The following IGSF9B variants were observed in gnomAD, a reference collection of about 807,000 sequenced individuals.
IGSF9B encodes the protein protein turtle homolog B.
A neutral mutation model predicts 143.7 loss-of-function variants in IGSF9B; 48 were observed. That is an observed-to-expected ratio of 0.33 (90% CI 0.26 to 0.42). The LOEUF (loss-of-function observed/expected upper bound fraction) is 0.42, where lower values mean the gene tolerates loss of function less well. Among genes scored for constraint, IGSF9B ranks in the 20% least tolerant of loss-of-function variants. The pLI, the probability that IGSF9B is intolerant of heterozygous loss-of-function variation, is 1.00. For synonymous variants in IGSF9B, 903 were observed against 833.1 expected, an observed-to-expected ratio of 1.08 and a Z score of -1.44; for missense variants, 1,706 against 1,980.0, an observed-to-expected ratio of 0.86 and a Z score of 2.63.
intron 1 of IGSF9B, among the ~76,000 whole-genome samples, chr11:133,955,631 G>C (rs1231629597): frequency 6.6e-6 from 1 of 152,208 alleles, no homozygotes; most frequent in Non-Finnish European, 1.5e-5. Flanking sequence ...GGTCGTGTCT[G>C]CGCGCTGACA....
intron 7 of IGSF9B, among the ~76,000 whole-genome samples, chr11:133,934,274 T>C (rs1939783680): frequency 6.6e-6 from 1 of 152,224 alleles, no homozygotes. Flanking sequence ...GGCCACCTCC[T>C]GTTGGCTCCT....
At chr11:133,923,777 G>C (rs1327602280) in intron 15 of IGSF9B, among the ~76,000 whole-genome samples, 1 of 152,226 alleles carries the variant, frequency 6.6e-6, no homozygotes, top group Non-Finnish European at 1.5e-5. Context: ...GTCTGACGAG[G>C]CACATTTCCT....
chr11:133,956,121 C>A (rs896193029), intron 1 of IGSF9B, among the ~76,000 whole-genome samples: 1 of 152,120 alleles, frequency 6.6e-6, no homozygotes, highest in Non-Finnish European at 1.5e-5. Context: ...TAGGGGGATC[C>A]GACCTCCAGC....
In IGSF9B at chr11:133,935,645, G is replaced by T; in HGVS notation, c.939C>A (p.Pro313=). 6.2e-7 allele frequency: 1 copy of T among 1,610,516 alleles called. No homozygotes were observed. ...GCACGGTCAGGTACGCCGAGGCGGA[G>T]GGGGAGCGCCCCAGGCTGTTGCTGG... ...CVPSNSLGRS[P]SASAYLTVQY... Residue 313 remains proline (P), a synonymous_variant, in exon 7 of 20, where the codon CCC becomes CCA. Coordinates refer to ENST00000533871, the MANE Select transcript of IGSF9B (RefSeq NM_001277285.4).
rs1436553481 is a variant in IGSF9B, at chr11:133,909,041, C to T, written c.*28G>A. On this transcript the variant is annotated 3_prime_UTR_variant, in exon 20 of 20. Coordinates refer to ENST00000533871, the MANE Select transcript of IGSF9B (RefSeq NM_001277285.4). The surrounding 1 kb of genome is among the most constrained non-coding windows in gnomAD (Gnocchi z 4.2). ...TCCCTGCCTGAGCCCAGCAACCTCG[C>T]CCCGGGGACACCTAGAGTGGGGTGG... 2 of 1,527,448 alleles carry T rather than the reference C, an allele frequency of 1.3e-6. No homozygotes were observed. The highest frequency in any genetic ancestry group is 2.4e-5 in the South Asian group (2 of 83,748). 94.6% of individuals were successfully genotyped at this position (1,527,448 alleles called of 1,614,324 possible).
In IGSF9B at chr11:133,920,017, C is replaced by G. The variant is rs115902430; in HGVS notation, c.3708G>C (p.Glu1236Asp). The G allele has an allele frequency of 6.3e-7, 1 of 1,583,450 alleles. No individual in the cohort carries two copies. Among genetic ancestry groups the G allele is most frequent in the Non-Finnish European group, 8.6e-7 (1 of 1,164,646 alleles). The change falls in exon 18 of 20, where the codon GAG (glutamate) becomes GAC (aspartate). Residue 1236 changes from glutamate to aspartate, a missense_variant. Physicochemically the swap from Glu to Asp is conservative, Grantham distance 45. Around this residue, in one of 7 missense-constraint regions of IGSF9B, gnomAD observed 880 missense variants for 762.9 expected, o/e 1.15. Coordinates refer to ENST00000533871, the MANE Select transcript of IGSF9B (RefSeq NM_001277285.4). ...PGLLQQAEMS[E>D]ITLQPPAAVS... ...CTGCAGCCGGCGGCTGCAGGGTGAT[C>G]TCTGACATCTCTGCCTGCTGCAGGA...
At chr11:133,919,049 G>C in intron 18 of IGSF9B, 1 of 506,070 alleles carries the variant, frequency 2.0e-6, no homozygotes, top group South Asian at 1.5e-5. Flanking sequence ...CTACAGTTTA[G>C]AGAGTGCTCT....
At chr11:133,946,032 G>A (rs973212205) in intron 2 of IGSF9B, 29 bp downstream of exon 2, 12 of 1,474,146 alleles carry the variant, frequency 8.1e-6, no homozygotes, top group Non-Finnish European at 1.0e-5. Context: ...GCTGGGGAAG[G>A]TGCGGGAGAC....
chr11:133,954,819 A>G (rs1256854382), intron 1 of IGSF9B, among the ~76,000 whole-genome samples: 1 of 152,176 alleles, frequency 6.6e-6, no homozygotes, highest in African/African-American at 2.4e-5. Context: ...CTCTGCTTCC[A>G]GACAGGGGTA....
At chr11:133,949,332 G>A (rs753628539) in intron 1 of IGSF9B, among the ~76,000 whole-genome samples, 3 of 151,814 alleles carry the variant, frequency 2.0e-5, no homozygotes, top group African/African-American at 4.8e-5. Context: ...ACATGCGCAC[G>A]CACACACACA....
rs1940089471 is a variant in IGSF9B at position 133,948,058 on chromosome 11, TG to T, written c.65-1801del. On this transcript the variant is annotated intron_variant, in intron 1 of 19. Transcript: ENST00000533871. This position sits in a 1 kb window ranked among gnomAD's most constrained non-coding sequence, Gnocchi z 4.7. ...GTTTCTGTCTACCAGCATGTGTGCG[TG>T]TGTGTGTGTGTGTGTGTGTGTGTGT... Among the ~76,000 whole-genome samples, 1 of 33,274 alleles carries T rather than the reference TG, an allele frequency of 3.0e-5. No homozygotes were observed. Among genetic ancestry groups the T allele is most frequent in the Non-Finnish European group, 6.7e-5 (1 of 14,922 alleles). The allele number at this position is 33,274 out of a possible 152,430, so 21.8% of individuals were successfully genotyped here. A position where few individuals can be genotyped will look rare whatever the true frequency, so the allele number is the denominator to read the frequency against.
chr11:133,904,751 C>T lies in IGSF9B; in HGVS notation c.*4318G>A, dbSNP rs1380649143. 2.0e-5 allele frequency among the ~76,000 whole-genome samples: 3 copies of T among 151,954 alleles called. No homozygotes were observed. The highest frequency in any genetic ancestry group is 4.4e-5 in the Non-Finnish European group (3 of 68,012). ...CATCCTAACCCATGCCTGACCTCAC[C>T]CTCTGTGCCCCTTCCAGCCTCACCA... is the stretch of plus-strand genomic sequence containing the variant. On this transcript the variant is annotated 3_prime_UTR_variant, in exon 20 of 20. Transcript: ENST00000533871.
At chr11:133,932,369 C>T (rs1414304843) in intron 7 of IGSF9B, among the ~76,000 whole-genome samples, 156 bp from the exon 8 acceptor site, 3 of 137,166 alleles carry the variant, frequency 2.2e-5, no homozygotes, top group African/African-American at 8.3e-5. Flanking sequence ...GACAGACAGA[C>T]AGACACGGGG....
At position 133,927,010 on chromosome 11, in the gene IGSF9B, G is replaced by A. The variant is rs1333244875; in HGVS notation, c.1713C>T (p.Thr571=). ...ACTGGTACGCTGTCTCAGGCTCCAG[G>A]GTGTCCACCAGCAGCCAGCTGGGTC... The part of the protein sequence containing the change: ...PPGPSWLLVD[T]LEPETAYQFS... The change falls in exon 13 of 20, where the codon ACC becomes ACT. Residue 571 remains threonine (T), a synonymous_variant. Coordinates refer to ENST00000533871, the MANE Select transcript of IGSF9B (RefSeq NM_001277285.4). The A allele has an allele frequency of 6.3e-7, 1 of 1,578,174 alleles. No individual in the cohort carries two copies. Among genetic ancestry groups the A allele is most frequent in the South Asian group, 1.2e-5 (1 of 85,722 alleles).
chr11:133,939,906 A>G (rs775791127), intron 3 of IGSF9B, among the ~76,000 whole-genome samples: 5 of 142,600 alleles, frequency 3.5e-5, no homozygotes, highest in Non-Finnish European at 7.6e-5. Context: ...AGAAACATAC[A>G]CCTTGCACAT....
Position 133,946,117 on chromosome 11 carries a change from A to G in IGSF9B, c.206T>C (p.Ile69Thr). ...VVEWFKFGVP[I>T]PIFIKFGYYP... Reference sequence around the variant, plus strand: ...GTAGCCAAACTTGATGAAGATAGGGATGGGGACCCCGAACTTGAACCACTC... The same window carrying G: ...GTAGCCAAACTTGATGAAGATAGGGGTGGGGACCCCGAACTTGAACCACTC... The change falls in exon 2 of 20, where the codon ATC becomes ACC. Residue 69 changes from isoleucine (I) to threonine (T), a missense_variant. By Grantham distance (89) the Ile-to-Thr change is moderately conservative. Around this residue, in one of 7 missense-constraint regions of IGSF9B, gnomAD observed 171 missense variants for 213.9 expected, o/e 0.80. Transcript: ENST00000533871. The G allele has an allele frequency of 1.9e-6, 3 of 1,610,488 alleles. No individual in the cohort carries two copies. Among genetic ancestry groups the G allele is most frequent in the Non-Finnish European group, 2.5e-6 (3 of 1,178,510 alleles).
In IGSF9B at chr11:133,948,149, C is replaced by T. The variant is rs2051212644; in HGVS notation, c.65-1891G>A. Among the ~76,000 whole-genome samples the T allele has an allele frequency of 6.6e-6, 1 of 151,118 alleles. No homozygotes were observed. The highest frequency in any genetic ancestry group is 6.6e-5 in the Admixed American group (1 of 15,162). On this transcript the variant is annotated intron_variant, in intron 1 of 19. Transcript: ENST00000533871. This position sits in a 1 kb window ranked among gnomAD's most constrained non-coding sequence, Gnocchi z 4.7. ...GGGGTTCTGCCTGCTTCTCTGTATG[C>T]AAGGGCTCCGTCTCTGCATGTATGT...
rs189347639 is a variant in IGSF9B, at chr11:133,908,809, C to A, written c.*260G>T. On this transcript the variant is annotated 3_prime_UTR_variant, in exon 20 of 20. Transcript: ENST00000533871. ...AAAATCAACCTAGTGAAGCAGGGGGCGGAGGGGAGGAGACAGGTGTTGCCC... is the reference window on the plus strand; with the variant it reads ...AAAATCAACCTAGTGAAGCAGGGGGAGGAGGGGAGGAGACAGGTGTTGCCC... The A allele has an allele frequency of 2.3e-6, 1 of 428,486 alleles. No homozygotes were observed. The highest frequency in any genetic ancestry group is 3.9e-5 in the Admixed American group (1 of 25,776). The allele number at this position is 428,486 out of a possible 1,614,324, so 26.5% of individuals were successfully genotyped here.
chr11:133,937,571 C>A, intron 4 of IGSF9B, 78 bp from the exon 5 acceptor site: 5 of 1,213,576 alleles, frequency 4.1e-6, no homozygotes, highest in Non-Finnish European at 6.0e-6. Context: ...GAGATGCAGT[C>A]GGAGACACTA....
Sources: gnomAD v4.1 joint callset for allele counts (sites outside exome capture counted in the v4.1 genomes callset) on GRCh38, gnomAD v4.1.1 for gene constraint, gnomAD v4.1.1 regional missense constraint, Gnocchi (gnomAD v3.1) non-coding constraint, MANE v1.5 for transcripts, NCBI Gene and HGNC (gene_info 2026-07-23, HGNC 2026-07-21) for gene names.